GGCX: variants seen among roughly 807,000 people sequenced by gnomAD.
GGCX encodes the protein gamma-glutamyl carboxylase.
In GGCX, 63 loss-of-function variants were observed where a neutral mutation model predicts 88.5. The ratio of observed to expected loss-of-function variants is 0.71; its 90% CI spans 0.58 to 0.88. GGCX has a LOEUF of 0.88. Ranked by LOEUF, GGCX falls within the 40% of genes least tolerant of loss-of-function variation. The pLI, the probability that GGCX is intolerant of heterozygous loss-of-function variation, is 0.00. For missense variants in GGCX, 805 were observed against 932.9 expected (o/e 0.86, Z 1.79); for synonymous variants, 368 against 365.8 (o/e 1.01, Z -0.07).
chr2:85,547,361 TGCAACCCAAC>T lies in GGCX; in HGVS notation c.*2563_*2572del, dbSNP rs1354700846. The T allele has an allele frequency of 6.6e-6, 1 of 152,196 alleles. No homozygotes were observed. The highest frequency in any genetic ancestry group is 1.5e-5 in the Non-Finnish European group (1 of 68,034). 9.4% of individuals were successfully genotyped at this position (152,196 alleles called of 1,614,324 possible). On this transcript the variant is annotated 3_prime_UTR_variant, in exon 15 of 15. Transcript: ENST00000233838. ...AGCCCATTTTTAGAATGGCTACAGT[TGCAACCCAAC>T]TCTACCCCACTGAACAGCTTTTATT...
chr2:85,552,371 A>G (rs1176299532), intron 10 of GGCX, 45 bp downstream of exon 10: 2 of 1,583,130 alleles, frequency 1.3e-6, no homozygotes, highest in Admixed American at 3.3e-5. Context: ...CTTGGTAAAA[A>G]GAACTGTGCT....
rs1401119451 is a variant in GGCX, at chr2:85,552,360, T to TG, written c.1439+55_1439+56insC. 2.2e-5 allele frequency: 34 copies of TG among 1,520,768 alleles called. No individual in the cohort carries two copies. In the African/African-American group the frequency reaches 4.2e-4, roughly 19 times the overall value. The allele number at this position is 1,520,768 out of a possible 1,614,324, so 94.2% of individuals were successfully genotyped here. On this transcript the variant is annotated intron_variant, in intron 10 of 14. Transcript: ENST00000233838. ...AATACCAGGAAGCAAGGGCTGTTCA[T>TG]CTTGGTAAAAAGAACTGTGCTTCAT...
intron 2 of GGCX, among the ~76,000 whole-genome samples, chr2:85,559,440 C>T (rs947091548): frequency 1.1e-4 from 16 of 151,074 alleles, no homozygotes; most frequent in East Asian, 2.0e-4. Context: ...AGGCCAGGCA[C>T]GGTGGCTCAC....
chr2:85,549,900 T>C lies in GGCX; in HGVS notation c.*34A>G, dbSNP rs1281586065. 1 of 1,417,148 alleles carries C rather than the reference T, an allele frequency of 7.1e-7. No individual in the cohort carries two copies. Among genetic ancestry groups the C allele is most frequent in the Non-Finnish European group, 9.9e-7 (1 of 1,014,610 alleles). The allele number at this position is 1,417,148 out of a possible 1,614,324, so 87.8% of individuals were successfully genotyped here. ...TGCATAGAATGGGTCTGTGACTGGC[T>C]GCTTCTACATCTGCACCCAACATCT... On this transcript the variant is annotated 3_prime_UTR_variant, in exon 15 of 15. Transcript: ENST00000233838.
In GGCX at chr2:85,548,758, A is replaced by G. The variant is rs1343715301; in HGVS notation, c.*1176T>C. The G allele has an allele frequency of 6.6e-6, 1 of 152,208 alleles. No homozygotes were observed. Among genetic ancestry groups the G allele is most frequent in the Non-Finnish European group, 1.5e-5 (1 of 68,028 alleles). The allele number at this position is 152,208 out of a possible 1,614,324, so 9.4% of individuals were successfully genotyped here. A position where few individuals can be genotyped will look rare whatever the true frequency, so the allele number is the denominator to read the frequency against. The stretch of plus-strand genomic sequence containing the variant: ...CCTTTGAATTTTCACTGAACTGAGG[A>G]GCTTCCTGAGTTACCCTTGTATACC... On this transcript the variant is annotated 3_prime_UTR_variant, in exon 15 of 15. Coordinates refer to ENST00000233838, the MANE Select transcript of GGCX (RefSeq NM_000821.7).
chr2:85,553,094 A>G (rs1179469185), intron 8 of GGCX, 24 bp from the exon 9 acceptor site: 5 of 1,614,144 alleles, frequency 3.1e-6, no homozygotes, highest in Non-Finnish European at 4.2e-6. Flanking sequence ...ACAGAGGGGA[A>G]TCAGCTCAAT....
chr2:85,554,576 C>A, intron 6 of GGCX: 1 of 488,258 alleles, frequency 2.0e-6, no homozygotes, highest in Non-Finnish European at 3.8e-6. Context: ...AGCAATCCTC[C>A]TGTCTCAGCC....
At position 85,550,046 on chromosome 2, in the gene GGCX, T is replaced by A; in HGVS notation, c.2165A>T (p.Tyr722Phe). 1.9e-6 allele frequency: 3 copies of A among 1,612,598 alleles called. No homozygotes were observed. The highest frequency in any genetic ancestry group is 2.5e-6 in the Non-Finnish European group (3 of 1,178,712). ...TGCCTCAAAGGGTCTCAAGTTTGCATAAGTCACCTCCTGGGCCAGCTGCTC... is the reference window on the plus strand; with the variant it reads ...TGCCTCAAAGGGTCTCAAGTTTGCAAAAGTCACCTCCTGGGCCAGCTGCTC... ...SLEQLAQEVT[Y>F]ANLRPFEAVG... The change falls in exon 15 of 15, where the codon TAT becomes TTT. Residue 722 changes from tyrosine (Y) to phenylalanine (F), a missense_variant. By Grantham distance (22) the Tyr-to-Phe change is conservative. Transcript: ENST00000233838.
chr2:85,549,828 A>AC lies in GGCX; in HGVS notation c.*105_*106insG. 2.2e-6 allele frequency: 1 copy of AC among 445,916 alleles called. No individual in the cohort carries two copies. The highest frequency in any genetic ancestry group is 3.9e-6 in the Non-Finnish European group (1 of 255,092). The allele number at this position is 445,916 out of a possible 1,614,324, so 27.6% of individuals were successfully genotyped here. A position where few individuals can be genotyped will look rare whatever the true frequency, so the allele number is the denominator to read the frequency against. On this transcript the variant is annotated 3_prime_UTR_variant, in exon 15 of 15. Coordinates refer to ENST00000233838, the MANE Select transcript of GGCX (RefSeq NM_000821.7). ...ACAGCTTTAGAACCCCGCCCCCCCAAAAAAAAAAAAAAAACTTTTGAGAAT... is the reference window on the plus strand; with the variant it reads ...ACAGCTTTAGAACCCCGCCCCCCCAACAAAAAAAAAAAAAACTTTTGAGAAT...
intron 9 of GGCX, 81 bp from the exon 10 acceptor site, chr2:85,552,648 G>A (rs1438850828): frequency 7.5e-7 from 1 of 1,335,006 alleles, no homozygotes; most frequent in Non-Finnish European, 1.1e-6. Flanking sequence ...GGCACAACGA[G>A]ATCCCTGCCT....
At chr2:85,552,788 A>G in intron 9 of GGCX, 151 bp downstream of exon 9, 1 of 940,334 alleles carries the variant, frequency 1.1e-6, no homozygotes, top group Non-Finnish European at 1.8e-6. Flanking sequence ...CCCTATCTCA[A>G]CCCACATAAA....
intron 7 of GGCX, 91 bp from the exon 8 acceptor site, chr2:85,553,588 C>A (rs1199994128): frequency 2.5e-5 from 31 of 1,260,284 alleles, no homozygotes; most frequent in Non-Finnish European, 3.6e-5. Flanking sequence ...AGGTGTTCCA[C>A]TGAAAAGGAA....
In GGCX at chr2:85,558,550, C is replaced by T; in HGVS notation, c.429G>A (p.Leu143=). ...LCYRISCVLF[L]LPYWYVFLLD... is the part of the protein sequence containing the mutation. ...GGAGAAACACATACCAGTATGGCAG[C>T]AGGAATAACACACAGCTTATCCGGT... The change falls in exon 4 of 15, where the codon CTG becomes CTA. Residue 143 remains leucine (L), a synonymous_variant. Transcript: ENST00000233838. 6.2e-7 allele frequency: 1 copy of T among 1,613,124 alleles called. No individual in the cohort carries two copies. The highest frequency in any genetic ancestry group is 8.5e-7 in the Non-Finnish European group (1 of 1,179,132).
rs397870196 is a variant in GGCX at position 85,546,425 on chromosome 2, A to AAG, written c.*3508_*3509insCT. 1.3e-5 allele frequency: 2 copies of AAG among 151,948 alleles called. No homozygotes were observed. The highest frequency in any genetic ancestry group is 2.4e-5 in the African/African-American group (1 of 41,294). 9.4% of individuals were successfully genotyped at this position (151,948 alleles called of 1,614,324 possible). ...GTAACAGAGTGAGACTTAAAAAAAA[A>AAG]GCCGTGGAAATCTGGGTATGGTAGC... On this transcript the variant is annotated 3_prime_UTR_variant, in exon 15 of 15. Transcript: ENST00000233838.
intron 4 of GGCX, 59 bp downstream of exon 4, chr2:85,558,381 A>G (rs756150103): frequency 1.4e-6 from 2 of 1,392,140 alleles, no homozygotes; most frequent in Non-Finnish European, 1.0e-6. Context: ...CTGGGCCCCT[A>G]TCTCTGATAA....
intron 2 of GGCX, 43 bp from the exon 3 acceptor site, chr2:85,559,118 G>A (rs772703802): frequency 6.5e-7 from 1 of 1,542,850 alleles, no homozygotes; most frequent in Non-Finnish European, 9.0e-7. Flanking sequence ...CCTCAGCTAA[G>A]GAAGCAGTAG....
At position 85,548,178 on chromosome 2, in the gene GGCX, T is replaced by C. The variant is rs568059120; in HGVS notation, c.*1756A>G. ...TGCCACTGAACTCCAGCCTGGGTGA[T>C]AGAGTGAAACCCTGTCTTTAAAAAA... On this transcript the variant is annotated 3_prime_UTR_variant, in exon 15 of 15. Coordinates refer to ENST00000233838, the MANE Select transcript of GGCX (RefSeq NM_000821.7). 3.3e-5 allele frequency: 5 copies of C among 152,178 alleles called. No individual in the cohort carries two copies. The highest frequency in any genetic ancestry group is 1.9e-4 in the East Asian group (1 of 5,172). The allele number at this position is 152,178 out of a possible 1,614,324, so 9.4% of individuals were successfully genotyped here. A position where few individuals can be genotyped will look rare whatever the true frequency, so the allele number is the denominator to read the frequency against.
rs1692022859 is a variant in GGCX, at chr2:85,552,883, C to A, written c.1287+56G>T. 5.0e-6 allele frequency: 8 copies of A among 1,600,998 alleles called. No individual in the cohort carries two copies. The South Asian group carries it at 6.6e-5, about 13-fold the overall frequency. ...TGGTGTGTGTAAGACAAAACCAGACCCCAAAGCACAAGGGGGCTCTGAAGA... is the reference window on the plus strand; with the variant it reads ...TGGTGTGTGTAAGACAAAACCAGACACCAAAGCACAAGGGGGCTCTGAAGA... On this transcript the variant is annotated intron_variant, in intron 9 of 14. Transcript: ENST00000233838.
chr2:85,557,445 G>A (rs149023808), intron 4 of GGCX, among the ~76,000 whole-genome samples: 1,736 of 152,230 alleles, frequency 0.011, 36 homozygotes, highest in African/African-American at 0.039. Flanking sequence ...CTATGATCAC[G>A]CCACTGCACT....
Sources: allele counts gnomAD v4.1 joint callset (sites outside exome capture counted in the v4.1 genomes callset), GRCh38; gene constraint gnomAD v4.1.1; transcripts MANE v1.5; gene names NCBI Gene and HGNC (gene_info 2026-07-23, HGNC 2026-07-21).